The following GRID2 variants were observed in gnomAD, a reference collection of about 807,000 sequenced individuals.
GRID2 encodes glutamate receptor ionotropic, delta-2.
A neutral mutation model predicts 114.8 loss-of-function variants in GRID2; 33 were observed. That is an observed-to-expected ratio of 0.29 (90% CI 0.22 to 0.38). GRID2 has a LOEUF of 0.38. Ranked by LOEUF, GRID2 falls within the 10% of genes least tolerant of loss-of-function variation. The pLI is 1.00. For synonymous variants in GRID2, 505 were observed against 449.9 expected, an observed-to-expected ratio of 1.12 and a Z score of -1.55; for missense variants, 1,184 against 1,257.7, an observed-to-expected ratio of 0.94 and a Z score of 0.89.
intron 14 of GRID2, among the ~76,000 whole-genome samples, chr4:93,743,982 A>C (rs1731627829): frequency 1.3e-5 from 2 of 152,204 alleles, no homozygotes; most frequent in South Asian, 4.1e-4. Context: ...AAAAGTCCTT[A>C]ATAATTATGC....
At chr4:92,459,283 T>C (rs1052498611) in intron 1 of GRID2, among the ~76,000 whole-genome samples, 2 of 152,182 alleles carry the variant, frequency 1.3e-5, no homozygotes, top group African/African-American at 4.8e-5. Context: ...ATAAATAATT[T>C]AATATACAAA....
At chr4:92,652,860 A>G (rs1399777143) in intron 2 of GRID2, among the ~76,000 whole-genome samples, 1 of 139,494 alleles carries the variant, frequency 7.2e-6, no homozygotes, top group Non-Finnish European at 1.5e-5. Context: ...TATAATATAT[A>G]AATACATATA....
At chr4:92,951,402 G>A (rs1752027198) in intron 2 of GRID2, among the ~76,000 whole-genome samples, 1 of 151,638 alleles carries the variant, frequency 6.6e-6, no homozygotes. Flanking sequence ...CCCAGGCTGT[G>A]CAGTGGCGCA....
At chr4:92,510,702 C>G (rs941697142) in intron 1 of GRID2, among the ~76,000 whole-genome samples, 1 of 151,272 alleles carries the variant, frequency 6.6e-6, no homozygotes, top group African/African-American at 2.4e-5. Context: ...TTACGAAATA[C>G]GTAGGAAAGA....
intron 13 of GRID2, among the ~76,000 whole-genome samples, chr4:93,573,723 T>C (rs552935184): frequency 6.6e-6 from 1 of 152,304 alleles, no homozygotes; most frequent in South Asian, 2.1e-4. Flanking sequence ...GTATGCTAAT[T>C]GGGAATCATA....
intron 2 of GRID2, among the ~76,000 whole-genome samples, chr4:92,739,287 T>C (rs1736755803): frequency 6.6e-6 from 1 of 152,212 alleles, no homozygotes; most frequent in African/African-American, 2.4e-5. Context: ...ACTTAAATTA[T>C]TCTAAGGATT....
At chr4:93,151,214 C>T (rs1736713257) in intron 4 of GRID2, among the ~76,000 whole-genome samples, 1 of 151,696 alleles carries the variant, frequency 6.6e-6, no homozygotes, top group Non-Finnish European at 1.5e-5. Context: ...TCTGTGTCAC[C>T]ATCCCTTTCT....
At chr4:93,144,956 A>G (rs190758746) in intron 4 of GRID2, among the ~76,000 whole-genome samples, 1 of 151,438 alleles carries the variant, frequency 6.6e-6, no homozygotes, top group Admixed American at 6.6e-5. Context: ...CCACAGGCCA[A>G]AACAAAACCA....
At chr4:92,598,144 A>T (rs1429636773) in intron 2 of GRID2, among the ~76,000 whole-genome samples, 1 of 152,142 alleles carries the variant, frequency 6.6e-6, no homozygotes, top group Non-Finnish European at 1.5e-5. Flanking sequence ...TATTACAGAA[A>T]AGCTCTCTTT....
At chr4:92,595,476 C>T (rs1426272210) in intron 2 of GRID2, among the ~76,000 whole-genome samples, 1 of 151,908 alleles carries the variant, frequency 6.6e-6, no homozygotes, top group African/African-American at 2.4e-5. Flanking sequence ...TAGAGATCAT[C>T]TTGCAAGTTT....
chr4:92,444,299 G>T (rs576173804), intron 1 of GRID2, among the ~76,000 whole-genome samples: 2 of 152,300 alleles, frequency 1.3e-5, no homozygotes, highest in South Asian at 4.1e-4. Context: ...AGTCCGTAAA[G>T]AGAGTCAGTG....
At chr4:92,901,997 G>C (rs1747617135) in intron 2 of GRID2, among the ~76,000 whole-genome samples, 1 of 151,846 alleles carries the variant, frequency 6.6e-6, no homozygotes, top group Non-Finnish European at 1.5e-5. Context: ...TCTGTTCCTG[G>C]GCTTTGTTTG....
chr4:93,648,978 C>T lies in GRID2; in HGVS notation c.2360+22543C>T, dbSNP rs193023510. 1.1e-3 allele frequency among the ~76,000 whole-genome samples: 162 copies of T among 152,234 alleles called. 2 individuals carry two copies. The highest frequency in any genetic ancestry group is 9.8e-3 in the Admixed American group (150 of 15,286). ...CTGTCTTATAGATTATAAAGCAAAG[C>T]TTAGCACAAAGGATAGATACTTTAG... On this transcript the variant is annotated intron_variant, in intron 14 of 15. Transcript: ENST00000282020.
At chr4:92,557,263 A>C (rs116481510) in intron 1 of GRID2, among the ~76,000 whole-genome samples, 154 of 152,070 alleles carry the variant, frequency 1.0e-3, no homozygotes, top group African/African-American at 3.4e-3. Flanking sequence ...ATTCTACTAT[A>C]GACACTTGTA....
chr4:93,492,919 C>T (rs1727157490), intron 12 of GRID2, among the ~76,000 whole-genome samples: 1 of 151,732 alleles, frequency 6.6e-6, no homozygotes, highest in South Asian at 2.1e-4. Context: ...TATACTCTAG[C>T]CCCTGGCAAC....
chr4:92,634,180 C>A (rs1217184386), intron 2 of GRID2, among the ~76,000 whole-genome samples: 1 of 151,740 alleles, frequency 6.6e-6, no homozygotes, highest in Non-Finnish European at 1.5e-5. Context: ...TTATGTTGGG[C>A]CACATTCAAA....
At chr4:92,947,230 A>G (rs1251435868) in intron 2 of GRID2, among the ~76,000 whole-genome samples, 1 of 152,034 alleles carries the variant, frequency 6.6e-6, no homozygotes, top group Non-Finnish European at 1.5e-5. Flanking sequence ...TCTAAAGAGA[A>G]AAACAATGAA....
chr4:92,430,886 T>C (rs1362852737), intron 1 of GRID2, among the ~76,000 whole-genome samples: 1 of 152,184 alleles, frequency 6.6e-6, no homozygotes, highest in Admixed American at 6.5e-5. Context: ...GATTACTTTC[T>C]TGATTCCTTT....
chr4:93,521,797 A>T (rs1008079259), intron 13 of GRID2, among the ~76,000 whole-genome samples: 3 of 152,170 alleles, frequency 2.0e-5, no homozygotes, highest in African/African-American at 7.2e-5. Context: ...CCAAGTGATA[A>T]AATCTTCAAG....
Sources: gnomAD v4.1 joint callset for allele counts (sites outside exome capture counted in the v4.1 genomes callset) on GRCh38, gnomAD v4.1.1 for gene constraint, MANE v1.5 for transcripts, NCBI Gene and HGNC (gene_info 2026-07-23, HGNC 2026-07-21) for gene names.